Variants in BPTF observed in about 807,000 individuals in gnomAD.
The protein encoded by BPTF is nucleosome-remodeling factor subunit BPTF.
BPTF carries 18 observed loss-of-function variants against 292.5 expected under a neutral mutation model. That is an observed-to-expected ratio of 0.06 (90% confidence interval 0.04 to 0.09). BPTF has a LOEUF of 0.09. Ranked by LOEUF, BPTF falls within the 10% of genes least tolerant of loss-of-function variation. The pLI, the probability that BPTF is intolerant of heterozygous loss-of-function variation, is 1.00. For synonymous variants in BPTF, 1,225 were observed against 1,251.9 expected (o/e 0.98, Z 0.45); for missense variants, 2,726 against 3,498.7 (o/e 0.78, Z 5.57).
At position 67,929,072 on chromosome 17, in the gene BPTF, C is replaced by T; in HGVS notation, c.5999-264C>T. The T allele has an allele frequency of 2.3e-6, 3 of 1,283,554 alleles. No individual in the cohort carries two copies. In the South Asian group the frequency reaches 6.2e-5, roughly 26 times the overall value. The allele number at this position is 1,283,554 out of a possible 1,614,324, so 79.5% of individuals were successfully genotyped here. On this transcript the variant is annotated intron_variant, in intron 16 of 27. Transcript: ENST00000306378. ...AAAAGTAATTACCAAACTGCCACTT[C>T]CTGCAAACAGCAAGATTGTCGCTGT... is the stretch of plus-strand genomic sequence containing the variant.
At chr17:67,946,560 G>A (rs1555675631) in intron 21 of BPTF, among the ~76,000 whole-genome samples, 1 of 152,156 alleles carries the variant, frequency 6.6e-6, no homozygotes, top group African/African-American at 2.4e-5. Flanking sequence ...CTGTATTTTG[G>A]GAGGACTAAG....
intron 1 of BPTF, among the ~76,000 whole-genome samples, chr17:67,829,261 G>A: frequency 6.7e-6 from 1 of 150,078 alleles, no homozygotes; most frequent in Non-Finnish European, 1.5e-5. Flanking sequence ...TTCCTTTATT[G>A]GCTGTGATGT....
chr17:67,878,977 T>C (rs1265555392), intron 4 of BPTF, among the ~76,000 whole-genome samples: 1 of 152,104 alleles, frequency 6.6e-6, no homozygotes, highest in Non-Finnish European at 1.5e-5. Flanking sequence ...GATTTTTGCA[T>C]TTACTTTCAT....
chr17:67,879,053 C>T (rs1285947004), intron 4 of BPTF, among the ~76,000 whole-genome samples: 1 of 76,198 alleles, frequency 1.3e-5, no homozygotes, highest in Non-Finnish European at 2.3e-5. Flanking sequence ...AATATTTTGT[C>T]AGTCTTTAGT....
intron 4 of BPTF, chr17:67,875,677 A>G: frequency 6.2e-7 from 1 of 1,607,794 alleles, no homozygotes; most frequent in Non-Finnish European, 8.5e-7. Flanking sequence ...GGTGTCTCTC[A>G]GAAACCCCCG....
At position 67,853,923 on chromosome 17, in the gene BPTF, C is replaced by T. The variant is rs772569850; in HGVS notation, c.614-17C>T. ...GTAATGTATTGATTTGTAATGATGT[C>T]ACGTCTTTATCTACAGGTAGGCGAA... On this transcript the variant is annotated splice_polypyrimidine_tract_variant and intron_variant, in intron 1 of 27. Transcript: ENST00000306378. The T allele has an allele frequency of 3.2e-6, 5 of 1,584,092 alleles. No homozygotes were observed. The highest frequency in any genetic ancestry group is 4.3e-6 in the Non-Finnish European group (5 of 1,159,004).
At chr17:67,861,576 A>G (rs549377453) in intron 2 of BPTF, among the ~76,000 whole-genome samples, 66 of 152,112 alleles carry the variant, frequency 4.3e-4, no homozygotes, top group Non-Finnish European at 5.6e-4. Flanking sequence ...TCAGCCTCCA[A>G]ATGTGCTGGG....
At chr17:67,869,616 C>T (rs141732741) in intron 3 of BPTF, among the ~76,000 whole-genome samples, 1 of 152,154 alleles carries the variant, frequency 6.6e-6, no homozygotes, top group East Asian at 1.9e-4. Context: ...GTTTCCTTCT[C>T]ATATTTTTTG....
chr17:67,966,755 G>T, intron 26 of BPTF, 99 bp downstream of exon 26: 1 of 1,074,990 alleles, frequency 9.3e-7, no homozygotes, highest in Non-Finnish European at 1.3e-6. Flanking sequence ...CAAGGCTGGT[G>T]GGGGTATAAA....
At chr17:67,862,703 T>C (rs1254406572) in intron 2 of BPTF, among the ~76,000 whole-genome samples, 1 of 152,164 alleles carries the variant, frequency 6.6e-6, no homozygotes, top group East Asian at 1.9e-4. Flanking sequence ...AACTGGGTAG[T>C]TTAAAACAGT....
At chr17:67,960,929 T>C (rs2067420902) in intron 24 of BPTF, among the ~76,000 whole-genome samples, 1 of 152,240 alleles carries the variant, frequency 6.6e-6, no homozygotes, top group African/African-American at 2.4e-5. Flanking sequence ...GAAATCAATT[T>C]AGGCATCTTC....
At chr17:67,952,265 C>CTT (rs56131244) in intron 23 of BPTF, among the ~76,000 whole-genome samples, 3 of 93,720 alleles carry the variant, frequency 3.2e-5, no homozygotes, top group African/African-American at 1.0e-4. Context: ...TTTTAATAGG[C>CTT]TTTTTTTTTT....
Position 67,975,847 on chromosome 17 carries a change from A to G in BPTF, c.8615A>G (p.Lys2872Arg), listed in dbSNP as rs532232561. ...KLTEFVADMT[K>R]IFDNCRYYNP... ...ACGGAATTTGTGGCAGATATGACCA[A>G]AATTTTTGATAACTGTCGTTACTAC... Residue 2872 changes from lysine (K) to arginine (R), a missense_variant, in exon 27 of 28, where the codon AAA becomes AGA. Lys to Arg is a conservative substitution (Grantham distance 26). Transcript: ENST00000306378. 13 of 1,614,082 alleles carry G rather than the reference A, an allele frequency of 8.1e-6. No homozygotes were observed. The highest frequency in any genetic ancestry group is 3.3e-5 in the Admixed American group (2 of 60,006).
chr17:67,963,621 T>TA (rs2067721918), intron 24 of BPTF: 1 of 1,106,120 alleles, frequency 9.0e-7, no homozygotes, highest in African/African-American at 1.6e-5. Flanking sequence ...ATTATACACT[T>TA]ACATTACAAA....
Position 67,884,568 on chromosome 17 carries a change from A to C in BPTF, c.1865-7276A>C, listed in dbSNP as rs72845280. On this transcript the variant is annotated intron_variant, in intron 4 of 27. Transcript: ENST00000306378. ...GTACGTAGGACTAGAGGCATGCACTACTATGCCTGGCTAATTTTTGTATTT... is the reference window on the plus strand; with the variant it reads ...GTACGTAGGACTAGAGGCATGCACTCCTATGCCTGGCTAATTTTTGTATTT... Among the ~76,000 whole-genome samples the C allele has an allele frequency of 6.5e-3, 986 of 151,826 alleles. 9 individuals are homozygous for C. The highest frequency in any genetic ancestry group is 0.011 in the Non-Finnish European group (719 of 67,912).
At chr17:67,918,668 G>T in intron 11 of BPTF, 46 bp from the exon 12 acceptor site, 1 of 1,547,586 alleles carries the variant, frequency 6.5e-7, no homozygotes, top group Non-Finnish European at 8.9e-7. Flanking sequence ...GTATGTGTAT[G>T]TATATACATA....
chr17:67,921,427 G>A (rs1362292578), intron 13 of BPTF, among the ~76,000 whole-genome samples: 2 of 151,866 alleles, frequency 1.3e-5, no homozygotes, highest in Non-Finnish European at 2.9e-5. Context: ...TTGGGAGGGT[G>A]AGGCGGGAGA....
chr17:67,909,487 G>T, intron 9 of BPTF, 95 bp from the exon 10 acceptor site: 12 of 778,604 alleles, frequency 1.5e-5, no homozygotes, highest in South Asian at 7.3e-5. Context: ...AACATAACTT[G>T]CTGGAAATTA....
intron 3 of BPTF, among the ~76,000 whole-genome samples, chr17:67,873,161 T>G (rs541699268): frequency 1.3e-5 from 2 of 152,014 alleles, no homozygotes; most frequent in African/African-American, 4.8e-5. Flanking sequence ...ATACATGGTA[T>G]TAAGTGTTTC....
Sources: gnomAD v4.1 joint callset for allele counts (sites outside exome capture counted in the v4.1 genomes callset) on GRCh38, gnomAD v4.1.1 for gene constraint, MANE v1.5 for transcripts, NCBI Gene and HGNC (gene_info 2026-07-23, HGNC 2026-07-21) for gene names.